BCR: variants seen among roughly 807,000 people sequenced by gnomAD.
BCR encodes the protein BCR activator of RhoGEF and GTPase.
Under a neutral mutation model 138.6 loss-of-function variants are expected in BCR, and 58 were observed. The ratio of observed to expected loss-of-function variants is 0.42; its 90% CI spans 0.34 to 0.52. The LOEUF (loss-of-function observed/expected upper bound fraction) is 0.52, where lower values mean the gene tolerates loss of function less well. BCR is among the 20% of genes least tolerant of loss of function. The probability of loss-of-function intolerance (pLI) is 0.06; values close to 1 mark genes in which losing one functional copy is unlikely to be tolerated. For synonymous variants in BCR, 786 were observed against 730.1 expected (o/e 1.08, Z -1.23); for missense variants, 1,599 against 1,727.2 (o/e 0.93, Z 1.32).
At chr22:23,200,145 G>T (rs1200187815) in intron 1 of BCR, among the ~76,000 whole-genome samples, 1 of 151,884 alleles carries the variant, frequency 6.6e-6, no homozygotes, top group Non-Finnish European at 1.5e-5. Flanking sequence ...ACGAGACCTT[G>T]GACATCAAAG....
intron 1 of BCR, among the ~76,000 whole-genome samples, chr22:23,218,317 C>G (rs2072781233): frequency 6.6e-6 from 1 of 152,186 alleles, no homozygotes; most frequent in Admixed American, 6.5e-5. Flanking sequence ...CCCAGGGTGA[C>G]CAGAAACTGT....
intron 8 of BCR, among the ~76,000 whole-genome samples, chr22:23,275,474 A>G (rs541432967): frequency 1.8e-4 from 28 of 152,318 alleles, no homozygotes; most frequent in Non-Finnish European, 3.1e-4. Context: ...CTCTGAGCGC[A>G]TTGAAGGCGG....
intron 16 of BCR, among the ~76,000 whole-genome samples, chr22:23,303,876 C>T (rs1269704866): frequency 6.7e-6 from 1 of 149,358 alleles, no homozygotes; most frequent in Non-Finnish European, 1.5e-5. Context: ...AGCTGTACAA[C>T]TTTTACCAAC....
chr22:23,284,107 C>T lies in BCR; in HGVS notation c.2237+9C>T, dbSNP rs376772732. 60 of 1,611,902 alleles carry T rather than the reference C, an allele frequency of 3.7e-5. No homozygotes were observed. Among genetic ancestry groups the T allele is most frequent in the African/African-American group, 5.3e-5 (4 of 74,870 alleles). ...AAGAAGCAGAGCGGAGGGTGAGTGA[C>T]GATGTGGCCCCTGTCCCAGCAGTGA... On this transcript the variant is annotated intron_variant, in intron 9 of 22. Coordinates refer to ENST00000305877, the MANE Select transcript of BCR (RefSeq NM_004327.4).
intron 1 of BCR, among the ~76,000 whole-genome samples, chr22:23,226,305 TGAGAGAGAGAGA>T (rs67417858): frequency 1.3e-5 from 2 of 148,946 alleles, no homozygotes; most frequent in Non-Finnish European, 3.0e-5. Flanking sequence ...ATTAAGTGTA[TGAGAGAGAGAGA>T]GAGAGAGAGA....
At chr22:23,198,580 T>A (rs2072509946) in intron 1 of BCR, among the ~76,000 whole-genome samples, 3 of 152,140 alleles carry the variant, frequency 2.0e-5, no homozygotes, top group Admixed American at 2.0e-4. Flanking sequence ...AGGGTGGCTG[T>A]GGCGGCTGTT....
chr22:23,208,195 C>G (rs1417324096), intron 1 of BCR, among the ~76,000 whole-genome samples: 4 of 152,212 alleles, frequency 2.6e-5, no homozygotes, highest in Admixed American at 2.0e-4. Context: ...ATTGGGCCCT[C>G]TGGCATTTGT....
chr22:23,183,386 G>A (rs2072295881), intron 1 of BCR, among the ~76,000 whole-genome samples: 1 of 152,204 alleles, frequency 6.6e-6, no homozygotes, highest in South Asian at 2.1e-4. Flanking sequence ...AACGAGTGAG[G>A]CTATTTTTGG....
At chr22:23,190,357 G>A (rs986568477) in intron 1 of BCR, among the ~76,000 whole-genome samples, 9 of 151,996 alleles carry the variant, frequency 5.9e-5, no homozygotes, top group African/African-American at 2.2e-4. Context: ...TAGTAGAGAC[G>A]GGGTTTCACC....
At chr22:23,203,351 G>GC (rs137868761) in intron 1 of BCR, among the ~76,000 whole-genome samples, 10,884 of 152,104 alleles carry the variant, frequency 0.072, 1,303 homozygotes, top group African/African-American at 0.25. Context: ...CTTTTTTCTT[G>GC]CCTCCTTCTG....
chr22:23,263,429 A>AGTG, intron 4 of BCR: 1 of 1,317,662 alleles, frequency 7.6e-7, no homozygotes, highest in Non-Finnish European at 1.1e-6. Flanking sequence ...AGAACTGGAT[A>AGTG]GTGGGGTGCT....
chr22:23,205,860 T>C (rs2072606548), intron 1 of BCR, among the ~76,000 whole-genome samples: 1 of 152,142 alleles, frequency 6.6e-6, no homozygotes, highest in Non-Finnish European at 1.5e-5. Context: ...GTGGGCTGGA[T>C]TTGGCCTGTG....
chr22:23,274,280 C>T (rs531333947), intron 8 of BCR, among the ~76,000 whole-genome samples: 3 of 152,332 alleles, frequency 2.0e-5, no homozygotes, highest in South Asian at 4.1e-4. Context: ...CGTCTTCCTC[C>T]GGGAAGACTC....
chr22:23,207,171 G>C (rs1017612974), intron 1 of BCR, among the ~76,000 whole-genome samples: 2 of 152,102 alleles, frequency 1.3e-5, no homozygotes, highest in African/African-American at 2.4e-5. Flanking sequence ...ACAATGCTTA[G>C]GCCTTGACTT....
rs2072272546 is a variant in BCR, at chr22:23,181,984, G to C, written c.1024G>C (p.Glu342Gln). 2 of 1,613,246 alleles carry C rather than the reference G, an allele frequency of 1.2e-6. No individual in the cohort carries two copies. Among genetic ancestry groups the C allele is most frequent in the Admixed American group, 1.7e-5 (1 of 59,972 alleles). Residue 342 changes from glutamate (E) to glutamine (Q), a missense_variant, in exon 1 of 23, where the codon GAG becomes CAG. Glu to Gln is a conservative substitution (Grantham distance 29). Transcript: ENST00000305877. ...CSSNENLTSS[E>Q]EDFSSGQSSR... is the part of the protein sequence containing the mutation. Reference sequence around the variant, plus strand: ...CTCCAATGAGAACCTCACCTCCAGCGAGGAGGACTTCTCCTCTGGCCAGTC... The same window carrying C: ...CTCCAATGAGAACCTCACCTCCAGCCAGGAGGACTTCTCCTCTGGCCAGTC...
intron 1 of BCR, among the ~76,000 whole-genome samples, chr22:23,230,679 T>C (rs1818785096): frequency 6.6e-6 from 1 of 152,226 alleles, no homozygotes; most frequent in Non-Finnish European, 1.5e-5. Context: ...AGGGTAGGCA[T>C]GGCCATCTGC....
rs561765369 is a variant in BCR, at chr22:23,273,282, G to A, written c.1974+149G>A. 2.5e-4 allele frequency: 223 copies of A among 889,608 alleles called. 2 individuals carry two copies. In the African/African-American group the frequency reaches 3.2e-3, roughly 13 times the overall value. 55.1% of individuals were successfully genotyped at this position (889,608 alleles called of 1,614,324 possible). On this transcript the variant is annotated intron_variant, in intron 7 of 22. Transcript: ENST00000305877. ...ATGGGTAGAGGCCTGGGGTGGTGTT[G>A]GACATTCTGTAGGGAAAGGACAGCT...
intron 1 of BCR, among the ~76,000 whole-genome samples, chr22:23,219,597 C>T (rs1218634485): frequency 6.6e-6 from 1 of 152,244 alleles, no homozygotes; most frequent in Non-Finnish European, 1.5e-5. Flanking sequence ...TCACGCATCT[C>T]AGGCAGGCAG....
At chr22:23,228,941 T>C (rs1308021920) in intron 1 of BCR, among the ~76,000 whole-genome samples, 3 of 152,238 alleles carry the variant, frequency 2.0e-5, no homozygotes, top group Admixed American at 2.0e-4. Context: ...TTTCCGATAC[T>C]GTTTTCTGCT....
Sources: gnomAD v4.1 joint callset for allele counts (sites outside exome capture counted in the v4.1 genomes callset) on GRCh38, gnomAD v4.1.1 for gene constraint, MANE v1.5 for transcripts, NCBI Gene and HGNC (gene_info 2026-07-23, HGNC 2026-07-21) for gene names.